The following TUSC3 variants were observed in gnomAD, a reference collection of about 807,000 sequenced individuals.
TUSC3 encodes dolichyl-diphosphooligosaccharide--protein glycosyltransferase subunit TUSC3.
A neutral mutation model predicts 44.8 loss-of-function variants in TUSC3; 45 were observed. That is an observed-to-expected ratio of 1.00 (90% CI 0.79 to 1.29). The LOEUF is 1.29. TUSC3 is among the 50% of genes most tolerant of loss of function. The pLI is 0.00. For missense variants in TUSC3, 519 were observed against 437.9 expected (o/e 1.19, Z -1.65); for synonymous variants, 212 against 152.9 (o/e 1.39, Z -2.85).
chr8:15,470,979 G>A (rs1042551135), intron 1 of TUSC3, among the ~76,000 whole-genome samples: 2 of 151,986 alleles, frequency 1.3e-5, no homozygotes, highest in African/African-American at 2.4e-5. Flanking sequence ...ATGAATGAAT[G>A]AATAAAAATT....
At chr8:15,542,000 ATT>A (rs540766032) in intron 1 of TUSC3, among the ~76,000 whole-genome samples, 1 of 145,968 alleles carries the variant, frequency 6.9e-6, no homozygotes. Context: ...ACCTTAATCA[ATT>A]TTTTTTTTTT....
At chr8:15,699,539 T>A (rs1017309740) in intron 6 of TUSC3, among the ~76,000 whole-genome samples, 1 of 152,218 alleles carries the variant, frequency 6.6e-6, no homozygotes, top group Non-Finnish European at 1.5e-5. Flanking sequence ...TTTTAAAAAA[T>A]GCTGTTTGCT....
chr8:15,442,631 C>T (rs907379331), intron 1 of TUSC3, among the ~76,000 whole-genome samples: 1 of 152,146 alleles, frequency 6.6e-6, no homozygotes, highest in Non-Finnish European at 1.5e-5. Context: ...AGTAATTTTC[C>T]ATCCACAGAC....
chr8:15,425,628 A>AG lies in TUSC3; in HGVS notation n.91+8326dup, dbSNP rs1323571729. 3.9e-5 allele frequency among the ~76,000 whole-genome samples: 6 copies of AG among 152,248 alleles called. No individual in the cohort carries two copies. In the East Asian group the frequency reaches 1.2e-3, roughly 29 times the overall value. On this transcript the variant is annotated intron_variant and non_coding_transcript_variant, in intron 1 of 5. Transcript: ENST00000503191. ...AAAGTGTGGCCGAGTCTGAGCCACC[A>AG]GGGCATGAAGTTAGAGAGGCAGTAT...
At chr8:15,714,359 A>G (rs1233453879) in intron 6 of TUSC3, among the ~76,000 whole-genome samples, 1 of 152,162 alleles carries the variant, frequency 6.6e-6, no homozygotes, top group Non-Finnish European at 1.5e-5. Flanking sequence ...TTATGCCATC[A>G]TCAAAAGATA....
the TUSC3 span, among the ~76,000 whole-genome samples, chr8:15,795,425 T>C: frequency 1.3e-5 from 2 of 152,176 alleles, no homozygotes; most frequent in Admixed American, 6.5e-5. Flanking sequence ...TCACCATTTC[T>C]AATTGGAGGA....
At chr8:15,436,109 C>G (rs949245727) in intron 1 of TUSC3, among the ~76,000 whole-genome samples, 1 of 152,106 alleles carries the variant, frequency 6.6e-6, no homozygotes, top group Non-Finnish European at 1.5e-5. Flanking sequence ...GGACTGGGGT[C>G]CTCAGTTCTT....
At chr8:15,708,691 A>G (rs942627090) in intron 6 of TUSC3, among the ~76,000 whole-genome samples, 5 of 151,942 alleles carry the variant, frequency 3.3e-5, no homozygotes, top group Non-Finnish European at 7.4e-5. Context: ...CAGTCAATCA[A>G]CGTTTATTTA....
At chr8:15,645,690 C>T (rs942737143) in intron 2 of TUSC3, among the ~76,000 whole-genome samples, 9 of 152,032 alleles carry the variant, frequency 5.9e-5, no homozygotes, top group African/African-American at 2.2e-4. Flanking sequence ...ATGAAATTGT[C>T]ATTACTAATA....
In TUSC3 at chr8:15,662,288, G is replaced by A; in HGVS notation, c.700G>A (p.Val234Met). The change falls in exon 5 of 11, where the codon GTG becomes ATG. Residue 234 changes from valine (V) to methionine (M), a missense_variant. Coordinates refer to ENST00000503731, the MANE Select transcript of TUSC3 (RefSeq NM_006765.4). ...CTATAACAAGACTGGTTGGGCCATG[G>A]TGTCTCTGGTATGTTAATACATTGT... ...FIYNKTGWAM[V>M]SLCIVFAMTS... 6.2e-7 allele frequency: 1 copy of A among 1,612,770 alleles called. No individual in the cohort carries two copies. Among genetic ancestry groups the A allele is most frequent in the East Asian group, 2.2e-5 (1 of 44,844 alleles).
At chr8:15,732,634 C>A (rs1810771640) in intron 7 of TUSC3, among the ~76,000 whole-genome samples, 1 of 151,998 alleles carries the variant, frequency 6.6e-6, no homozygotes, top group African/African-American at 2.4e-5. Context: ...ATTGAAATGA[C>A]TTAATTTTTC....
At chr8:15,537,497 G>A (rs1015309118), upstream of TUSC3, among the ~76,000 whole-genome samples, 11 of 152,208 alleles carry the variant, frequency 7.2e-5, no homozygotes, top group African/African-American at 2.4e-4. Flanking sequence ...ATTTGGCTCA[G>A]AATAAATCTC....
chr8:15,775,629 G>GAC, the TUSC3 span, among the ~76,000 whole-genome samples: 80 of 69,534 alleles, frequency 1.2e-3, no homozygotes, highest in African/African-American at 3.8e-3. Flanking sequence ...TATATATACA[G>GAC]ACACATATAT....
intron 1 of TUSC3, among the ~76,000 whole-genome samples, chr8:15,464,045 A>G (rs1178429135): frequency 6.6e-6 from 1 of 152,174 alleles, no homozygotes; most frequent in Non-Finnish European, 1.5e-5. Flanking sequence ...GTAAGAGTCT[A>G]TCAAACTGTA....
intron 6 of TUSC3, among the ~76,000 whole-genome samples, chr8:15,714,339 G>C (rs145478024): frequency 1.3e-5 from 2 of 152,152 alleles, no homozygotes; most frequent in African/African-American, 4.8e-5. Context: ...CCCCAATTTT[G>C]TTGAAGTTAT....
chr8:15,432,995 C>T (rs1347954822), intron 1 of TUSC3, among the ~76,000 whole-genome samples: 1 of 152,134 alleles, frequency 6.6e-6, no homozygotes, highest in African/African-American at 2.4e-5. Flanking sequence ...CTTCCCCTGC[C>T]AGGAGTACAA....
At chr8:15,434,199 A>G (rs1184347388) in intron 1 of TUSC3, among the ~76,000 whole-genome samples, 1 of 152,062 alleles carries the variant, frequency 6.6e-6, no homozygotes, top group East Asian at 1.9e-4. Context: ...TATTACCCTA[A>G]TTAATAATAA....
chr8:15,847,710 C>T, the TUSC3 span, among the ~76,000 whole-genome samples: 6 of 152,030 alleles, frequency 3.9e-5, no homozygotes, highest in Non-Finnish European at 5.9e-5. Context: ...AGTAAAACTC[C>T]GAGGCAGAGT....
upstream of TUSC3, chr8:15,540,145 C>A: frequency 2.5e-6 from 1 of 396,606 alleles, no homozygotes; most frequent in South Asian, 6.4e-5. Flanking sequence ...CCGGGAAAGG[C>A]AAGCTCCGGG....
Sources: allele counts gnomAD v4.1 joint callset (sites outside exome capture counted in the v4.1 genomes callset), GRCh38; gene constraint gnomAD v4.1.1; transcripts MANE v1.5; gene names NCBI Gene and HGNC (gene_info 2026-07-23, HGNC 2026-07-21).